CC2D2B: variants seen among roughly 807,000 people sequenced by gnomAD.
The protein encoded by CC2D2B is protein CC2D2B.
CC2D2B carries 128 observed loss-of-function variants against 161.2 expected under a neutral mutation model. The ratio of observed to expected loss-of-function variants is 0.79; its 90% CI spans 0.69 to 0.92. CC2D2B has a LOEUF of 0.92. Ranked by LOEUF, CC2D2B falls within the 40% of genes least tolerant of loss-of-function variation. The pLI, the probability that CC2D2B is intolerant of heterozygous loss-of-function variation, is 0.00. For missense variants in CC2D2B, 1,173 were observed against 1,375.1 expected, an observed-to-expected ratio of 0.85 and a Z score of 2.32; for synonymous variants, 391 against 449.8, an observed-to-expected ratio of 0.87 and a Z score of 1.65.
At position 95,927,416 on chromosome 10, in the gene CC2D2B, A is replaced by G. The variant is rs1814499563; in HGVS notation, c.336+84A>G. The stretch of plus-strand genomic sequence containing the variant: ...TAAAAGTGCAGAATGAAATACTTGG[A>G]CGGGAGATAAAGTTTTATTATTGTG... On this transcript the variant is annotated intron_variant, in intron 6 of 34. Transcript: ENST00000646931. The G allele has an allele frequency of 4.1e-6, 3 of 737,024 alleles. No individual in the cohort carries two copies. In the South Asian group the frequency reaches 5.2e-5, roughly 13 times the overall value. The allele number at this position is 737,024 out of a possible 1,614,324, so 45.7% of individuals were successfully genotyped here.
Position 95,938,580 on chromosome 10 carries a change from C to T in CC2D2B, c.547C>T (p.Arg183Cys), listed in dbSNP as rs746059331. 11 of 697,602 alleles carry T rather than the reference C, an allele frequency of 1.6e-5. No individual in the cohort carries two copies. The highest frequency in any genetic ancestry group is 1.6e-5 in the South Asian group (1 of 63,090). 43.2% of individuals were successfully genotyped at this position (697,602 alleles called of 1,614,324 possible). A position where few individuals can be genotyped will look rare whatever the true frequency, so the allele number is the denominator to read the frequency against. ...VPSSSPVVNQ[R>C]KLPKDMMPRI... Reference sequence around the variant, plus strand: ...TTATTGTTATAAAGTGGTTAACCAGCGCAAACTGCCAAAAGATATGATGCC... The same window carrying T: ...TTATTGTTATAAAGTGGTTAACCAGTGCAAACTGCCAAAAGATATGATGCC... Residue 183 changes from arginine to cysteine, a missense_variant, in exon 8 of 35, where the codon CGC becomes TGC. By Grantham distance (180) the Arg-to-Cys change is radical. Transcript: ENST00000646931.
intron 17 of CC2D2B, among the ~76,000 whole-genome samples, chr10:95,980,284 T>C (rs2077466406): frequency 6.6e-6 from 1 of 152,188 alleles, no homozygotes. Flanking sequence ...CTGTGAGCCA[T>C]AGCCTACAGC....
In CC2D2B at chr10:95,981,978, G is replaced by A. The variant is rs774340561; in HGVS notation, c.1947G>A (p.Met649Ile). The A allele has an allele frequency of 6.5e-6, 8 of 1,226,534 alleles. No individual in the cohort carries two copies. The highest frequency in any genetic ancestry group is 1.6e-5 in the African/African-American group (1 of 64,236). 76.0% of individuals were successfully genotyped at this position (1,226,534 alleles called of 1,614,324 possible). A position where few individuals can be genotyped will look rare whatever the true frequency, so the allele number is the denominator to read the frequency against. The change falls in exon 18 of 35, where the codon ATG (methionine) becomes ATA (isoleucine). Residue 649 changes from methionine (M) to isoleucine (I), a missense_variant. By Grantham distance (10) the Met-to-Ile change is conservative (BLOSUM62 1). Coordinates refer to ENST00000646931, the MANE Select transcript of CC2D2B (RefSeq NM_001349008.3). ...CAAAATATTTTCTCTATGTTAGTAT[G>A]TTAAGGAATGTAGATGCAAGAAGTG... ...PQSLRSSYCSMLRNVDARSVP... is the reference protein window; with the variant it reads ...PQSLRSSYCSILRNVDARSVP...
rs151015935 is a variant in CC2D2B at position 95,932,726 on chromosome 10, G to A, written c.337-5265G>A. Among the ~76,000 whole-genome samples, 1,137 of 152,256 alleles carry A rather than the reference G, an allele frequency of 7.5e-3. 20 individuals are homozygous for A. Among genetic ancestry groups the A allele is most frequent in the South Asian group, 0.058 (279 of 4,824 alleles). On this transcript the variant is annotated intron_variant, in intron 6 of 34. Coordinates refer to ENST00000646931, the MANE Select transcript of CC2D2B (RefSeq NM_001349008.3). ...ATTGGCCCCCACTCTTTTCTGGCTT[G>A]TAGGATTTCTGCATAGAGATCCACT...
upstream of CC2D2B, chr10:95,907,962 G>A: frequency 6.6e-6 from 1 of 152,380 alleles, no homozygotes; most frequent in East Asian, 1.9e-4. Context: ...GCTGGCGCAG[G>A]GTGCGGTGGG....
intron 33 of CC2D2B, among the ~76,000 whole-genome samples, chr10:96,025,162 T>TATATATATAAAAAAAAAAA (rs2079652657): frequency 1.4e-4 from 1 of 7,106 alleles, no homozygotes; most frequent in African/African-American, 6.6e-4. Flanking sequence ...AAAATATATA[T>TATATATATAAAAAAAAAAA]ATATATATAT....
At chr10:95,996,327 G>T (rs1162049712) in intron 24 of CC2D2B, 75 bp downstream of exon 24, 5 of 679,654 alleles carry the variant, frequency 7.4e-6, no homozygotes, top group Non-Finnish European at 1.2e-5. Flanking sequence ...GCCACTTATT[G>T]AAAATAATTA....
At chr10:96,030,792 G>A (rs1037386962) in intron 34 of CC2D2B, among the ~76,000 whole-genome samples, 1 of 152,124 alleles carries the variant, frequency 6.6e-6, no homozygotes, top group Non-Finnish European at 1.5e-5. Context: ...ATAAAGCATA[G>A]TTAAATATAA....
At chr10:95,972,039 T>C (rs1261163642) in intron 15 of CC2D2B, 27 bp from the exon 16 acceptor site, 1 of 1,191,026 alleles carries the variant, frequency 8.4e-7, no homozygotes, top group Non-Finnish European at 1.1e-6. Context: ...TTTTTAGTGA[T>C]CTATCAGCCA....
At chr10:95,995,183 T>A (rs2078184357) in intron 22 of CC2D2B, 86 bp from the exon 23 acceptor site, 7 of 632,658 alleles carry the variant, frequency 1.1e-5, no homozygotes, top group Non-Finnish European at 1.8e-5. Flanking sequence ...TATATCTTCA[T>A]AAGCACAGGA....
chr10:95,962,550 T>C (rs571028276), intron 12 of CC2D2B, among the ~76,000 whole-genome samples: 94 of 152,286 alleles, frequency 6.2e-4, no homozygotes, highest in African/African-American at 2.2e-3. Flanking sequence ...GCATTTTAGA[T>C]TATTTGATAA....
intron 32 of CC2D2B, 156 bp downstream of exon 32, chr10:96,019,980 A>G (rs752563438): frequency 2.0e-5 from 12 of 593,582 alleles, no homozygotes; most frequent in Admixed American, 7.6e-5. Flanking sequence ...CATCCAGCTC[A>G]CAGGCTCTTT....
chr10:96,009,930 G>C lies in CC2D2B; in HGVS notation c.3045+7G>C. 1 of 1,560,884 alleles carries C rather than the reference G, an allele frequency of 6.4e-7. No individual in the cohort carries two copies. Among genetic ancestry groups the C allele is most frequent in the Non-Finnish European group, 8.8e-7 (1 of 1,135,568 alleles). On this transcript the variant is annotated splice_region_variant and intron_variant, in intron 26 of 34. Transcript: ENST00000646931. ...TCTTCTGCAACAATCTGAGGTAAGAGAAAATGCTTCTTTGCTCATTCTAAG... is the reference window on the plus strand; with the variant it reads ...TCTTCTGCAACAATCTGAGGTAAGACAAAATGCTTCTTTGCTCATTCTAAG...
At chr10:96,030,029 T>C (rs931054986) in intron 34 of CC2D2B, among the ~76,000 whole-genome samples, 2 of 152,070 alleles carry the variant, frequency 1.3e-5, no homozygotes, top group African/African-American at 4.8e-5. Flanking sequence ...CCCAGACTGG[T>C]CTTGAACTGC....
At chr10:95,913,211 G>A (rs2098509741) in intron 2 of CC2D2B, among the ~76,000 whole-genome samples, 2 of 151,318 alleles carry the variant, frequency 1.3e-5, no homozygotes, top group South Asian at 4.1e-4. Context: ...AATATGCAAA[G>A]TTTTTCTTTC....
chr10:96,032,617 C>A lies in CC2D2B; in HGVS notation c.*609C>A. On this transcript the variant is annotated 3_prime_UTR_variant, in exon 35 of 35. Coordinates refer to ENST00000646931, the MANE Select transcript of CC2D2B (RefSeq NM_001349008.3). ...CTCGAGTGGAAAACTAAGGTCATTG[C>A]CTCTCATGGATAAAATGTTATTTCA... is the stretch of plus-strand genomic sequence containing the variant. The A allele has an allele frequency of 3.0e-6, 1 of 337,374 alleles. No individual in the cohort carries two copies. Among genetic ancestry groups the A allele is most frequent in the Non-Finnish European group, 6.1e-6 (1 of 164,542 alleles). 20.9% of individuals were successfully genotyped at this position (337,374 alleles called of 1,614,324 possible).
At position 95,987,043 on chromosome 10, in the gene CC2D2B, G is replaced by C. The variant is rs1324969224; in HGVS notation, c.2287-1207G>C. Among the ~76,000 whole-genome samples, 2 of 152,108 alleles carry C rather than the reference G, an allele frequency of 1.3e-5. 1 individual carries two copies. The highest frequency in any genetic ancestry group is 6.3e-3 in the Middle Eastern group (2 of 316). On this transcript the variant is annotated intron_variant, in intron 19 of 34. Transcript: ENST00000646931. The stretch of plus-strand genomic sequence containing the variant: ...TTTAAAAGTAAATAAAGTGATATGA[G>C]GCCGGGTATGGTGGCTCATGCCTGT...
chr10:96,019,113 G>A, intron 30 of CC2D2B, 90 bp from the exon 31 acceptor site: 1 of 1,142,554 alleles, frequency 8.8e-7, no homozygotes. Flanking sequence ...CACTAAAAAA[G>A]GCTTTAAAAA....
intron 11 of CC2D2B, among the ~76,000 whole-genome samples, chr10:95,960,648 G>A (rs997911816): frequency 4.6e-5 from 7 of 152,056 alleles, no homozygotes; most frequent in African/African-American, 1.7e-4. Flanking sequence ...GAGTAGCTGG[G>A]ACTACAAGTG....
Sources: gnomAD v4.1 joint callset for allele counts (sites outside exome capture counted in the v4.1 genomes callset) on GRCh38, gnomAD v4.1.1 for gene constraint, MANE v1.5 for transcripts, NCBI Gene and HGNC (gene_info 2026-07-23, HGNC 2026-07-21) for gene names.